DNAJC13: variants seen among roughly 807,000 people sequenced by gnomAD.
The protein encoded by DNAJC13 is DnaJ heat shock protein family (Hsp40) member C13, also known as dnaJ homolog subfamily C member 13.
Under a neutral mutation model 290.5 loss-of-function variants are expected in DNAJC13, and 75 were observed. That is an observed-to-expected ratio of 0.26 (90% CI 0.21 to 0.31). The LOEUF (loss-of-function observed/expected upper bound fraction) is 0.31. Ranked by LOEUF, DNAJC13 falls within the 10% of genes least tolerant of loss-of-function variation. DNAJC13 has a pLI of 1.00. For missense variants in DNAJC13, 2,260 were observed against 2,674.5 expected, an observed-to-expected ratio of 0.85 and a Z score of 3.42; for synonymous variants, 862 against 892.0, an observed-to-expected ratio of 0.97 and a Z score of 0.60.
At chr3:132,447,505 T>G (rs780710839) in intron 4 of DNAJC13, 35 bp downstream of exon 4, 1 of 1,506,106 alleles carries the variant, frequency 6.6e-7, no homozygotes, top group Non-Finnish European at 8.8e-7. Context: ...TAAAATTTCT[T>G]TCTTCTCTTT....
At chr3:132,537,328 T>C (rs1376655483) in intron 55 of DNAJC13, 1 of 434,954 alleles carries the variant, frequency 2.3e-6, no homozygotes, top group East Asian at 7.1e-5. Flanking sequence ...TAACCCTCAA[T>C]GTTCCTTAGT....
chr3:132,522,788 C>T, intron 48 of DNAJC13, 40 bp from the exon 49 acceptor site: 2 of 1,519,238 alleles, frequency 1.3e-6, no homozygotes, highest in Non-Finnish European at 1.8e-6. Context: ...TGAGGTGTTT[C>T]CAATAGGTGT....
chr3:132,483,282 A>G, intron 27 of DNAJC13, 93 bp from the exon 28 acceptor site: 1 of 1,125,130 alleles, frequency 8.9e-7, no homozygotes, highest in Non-Finnish European at 1.3e-6. Context: ...TGTTTGTTTC[A>G]TAATTTAGTA....
At chr3:132,468,549 A>AAT (rs1934077425) in intron 20 of DNAJC13, among the ~76,000 whole-genome samples, 2 of 152,186 alleles carry the variant, frequency 1.3e-5, no homozygotes, top group South Asian at 2.1e-4. Context: ...TAGTAAAGAG[A>AAT]ATACTGAACT....
At chr3:132,488,489 T>C (rs747826140) in intron 30 of DNAJC13, 37 bp downstream of exon 30, 2 of 1,554,764 alleles carry the variant, frequency 1.3e-6, no homozygotes, top group Non-Finnish European at 1.7e-6. Flanking sequence ...AAAAGTATTA[T>C]TTGAATTTTA....
rs377096498 is a variant in DNAJC13, at chr3:132,447,304, A to ATT, written c.145-5_145-4dup. The ATT allele has an allele frequency of 6.7e-5, 78 of 1,158,462 alleles. No individual in the cohort carries two copies. Among genetic ancestry groups the ATT allele is most frequent in the South Asian group, 2.0e-4 (12 of 59,780 alleles). 71.8% of individuals were successfully genotyped at this position (1,158,462 alleles called of 1,614,324 possible). A position where few individuals can be genotyped will look rare whatever the true frequency, so the allele number is the denominator to read the frequency against. On this transcript the variant is annotated splice_polypyrimidine_tract_variant and intron_variant, in intron 3 of 55. Transcript: ENST00000260818. Reference sequence around the variant, plus strand: ...CTGTATTATAGTAGCACCAGTCAAAATTTTTTTTTTTTTAAGTGGCCTTAT... The same window carrying ATT: ...CTGTATTATAGTAGCACCAGTCAAAATTTTTTTTTTTTTTTAAGTGGCCTTAT...
At chr3:132,505,162 T>G in intron 41 of DNAJC13, 140 bp from the exon 42 acceptor site, 1 of 554,260 alleles carries the variant, frequency 1.8e-6, no homozygotes, top group South Asian at 2.6e-5. Flanking sequence ...TTGTTAGAAT[T>G]ATTGAGATAC....
At chr3:132,464,056 A>G (rs1397098939) in intron 17 of DNAJC13, among the ~76,000 whole-genome samples, 2 of 152,138 alleles carry the variant, frequency 1.3e-5, no homozygotes, top group Non-Finnish European at 2.9e-5. Context: ...AGGCCCTGAC[A>G]CCATAGTCAT....
chr3:132,484,768 T>C, intron 29 of DNAJC13, 96 bp downstream of exon 29: 1 of 1,226,092 alleles, frequency 8.2e-7, no homozygotes, highest in South Asian at 1.2e-5. Flanking sequence ...GTCTATTCCA[T>C]TTTCAAAAAG....
At chr3:132,487,579 T>TTTTTTTTTTTTTTTTTTTTTTTA (rs397818337) in intron 29 of DNAJC13, among the ~76,000 whole-genome samples, 1 of 150,336 alleles carries the variant, frequency 6.7e-6, no homozygotes, top group African/African-American at 2.5e-5. Flanking sequence ...TTTTTTTTTT[T>TTTTTTTTTTTTTTTTTTTTTTTA]ACTGGGAGCA....
rs113143615 is a variant in DNAJC13 at position 132,418,759 on chromosome 3, G to A, written c.-14+999G>A. Among the ~76,000 whole-genome samples the A allele has an allele frequency of 4.7e-3, 722 of 152,224 alleles. 6 individuals are homozygous for A. The highest frequency in any genetic ancestry group is 0.014 in the African/African-American group (602 of 41,540). ...AGTAGAAGTTCAGAACCTGCCCCCA[G>A]TAATTCTTTCTTACTATATTTTCTT... On this transcript the variant is annotated intron_variant, in intron 1 of 55. Transcript: ENST00000260818.
intron 32 of DNAJC13, among the ~76,000 whole-genome samples, chr3:132,491,827 T>TG (rs1435764993): frequency 6.6e-6 from 1 of 152,200 alleles, no homozygotes; most frequent in African/African-American, 2.4e-5. Context: ...CCTATGGGCT[T>TG]GGCATGTGTT....
intron 35 of DNAJC13, 41 bp from the exon 36 acceptor site, chr3:132,496,487 A>G: frequency 1.3e-6 from 2 of 1,509,378 alleles, no homozygotes; most frequent in Non-Finnish European, 1.8e-6. Context: ...GAATTTTGCG[A>G]CATTCCAAAT....
At chr3:132,495,242 A>C in intron 35 of DNAJC13, 76 bp downstream of exon 35, 1 of 1,158,776 alleles carries the variant, frequency 8.6e-7, no homozygotes, top group Admixed American at 1.8e-5. Context: ...AAAGTATATT[A>C]CCTTCTGTGC....
At chr3:132,460,710 A>G (rs1933763103) in intron 14 of DNAJC13, among the ~76,000 whole-genome samples, 1 of 152,214 alleles carries the variant, frequency 6.6e-6, no homozygotes, top group African/African-American at 2.4e-5. Flanking sequence ...ATTCTATAGC[A>G]TCTTGAAGGA....
chr3:132,525,853 G>T, intron 52 of DNAJC13, 64 bp downstream of exon 52: 1 of 1,527,448 alleles, frequency 6.5e-7, no homozygotes, highest in South Asian at 1.2e-5. Context: ...CTTCTTGACG[G>T]ATATAAGTTG....
At chr3:132,491,175 A>G in intron 32 of DNAJC13, 124 bp downstream of exon 32, 1 of 825,146 alleles carries the variant, frequency 1.2e-6, no homozygotes, top group South Asian at 2.2e-5. Flanking sequence ...GACAGTAATC[A>G]TTGATGCCAA....
intron 55 of DNAJC13, among the ~76,000 whole-genome samples, chr3:132,536,406 C>G (rs1055810125): frequency 4.6e-5 from 7 of 152,124 alleles, no homozygotes; most frequent in African/African-American, 1.2e-4. Context: ...CACACACACA[C>G]AGAGGGGCAA....
chr3:132,484,702 T>G, intron 29 of DNAJC13, 30 bp downstream of exon 29: 1 of 1,549,600 alleles, frequency 6.5e-7, no homozygotes, highest in East Asian at 2.2e-5. Context: ...TAGGAGCAAT[T>G]TTAAGAATCA....
Sources: gnomAD v4.1 joint callset for allele counts (sites outside exome capture counted in the v4.1 genomes callset) on GRCh38, gnomAD v4.1.1 for gene constraint, MANE v1.5 for transcripts, NCBI Gene and HGNC (gene_info 2026-07-23, HGNC 2026-07-21) for gene names.